The following ZNF334 variants were observed in gnomAD, a reference collection of about 807,000 sequenced individuals.
ZNF334 encodes the protein zinc finger protein 334.
A neutral mutation model predicts 12.4 loss-of-function variants in ZNF334; 14 were observed. The observed-to-expected ratio is 1.13, with a 90% CI of 0.74 to 1.76. The LOEUF is 1.76. Ranked by LOEUF, ZNF334 falls within the 40% of genes most tolerant of loss-of-function variation. The pLI, the probability that ZNF334 is intolerant of heterozygous loss-of-function variation, is 0.00. For synonymous variants in ZNF334, 273 were observed against 269.6 expected (o/e 1.01, Z -0.12); for missense variants, 797 against 804.5 (o/e 0.99, Z 0.11).
chr20:46,465,526 C>T, the ZNF334 span, among the ~76,000 whole-genome samples: 2 of 152,126 alleles, frequency 1.3e-5, no homozygotes, highest in African/African-American at 4.8e-5. Context: ...AATATAACCC[C>T]ATCTCTAAAA....
At chr20:46,480,704 G>T in the ZNF334 span, among the ~76,000 whole-genome samples, 40 of 152,278 alleles carry the variant, frequency 2.6e-4, 1 homozygote, top group East Asian at 1.9e-3. Context: ...GCTTGATTAG[G>T]AAATGAGAAG....
At chr20:46,468,002 T>G in the ZNF334 span, among the ~76,000 whole-genome samples, 1 of 152,224 alleles carries the variant, frequency 6.6e-6, no homozygotes, top group African/African-American at 2.4e-5. Context: ...TCTTTACTGC[T>G]TATAAGTGAT....
chr20:46,504,409 C>T, intron 3 of ZNF334, 103 bp from the exon 4 acceptor site: 1 of 1,187,584 alleles, frequency 8.4e-7, no homozygotes, highest in Non-Finnish European at 1.2e-6. Context: ...TGAAGATGCC[C>T]AGCAATAGCT....
At chr20:46,508,350 C>T (rs1482968349) in intron 2 of ZNF334, among the ~76,000 whole-genome samples, 1 of 152,148 alleles carries the variant, frequency 6.6e-6, no homozygotes, top group Non-Finnish European at 1.5e-5. Flanking sequence ...CAGATAATGA[C>T]CAGACCCTAC....
chr20:46,502,039 C>T lies in ZNF334; in HGVS notation c.1300G>A (p.Glu434Lys). Reference protein sequence around the residue: ...RRSHTGEKPYECSQCGKFLCT... With the variant: ...RRSHTGEKPYKCSQCGKFLCT... ...AAAAATTTTCCACATTGACTGCATT[C>T]ATAGGGCTTCTCTCCTGTATGACTT... Residue 434 changes from glutamate to lysine, a missense_variant, in exon 5 of 5, where the codon GAA becomes AAA. Glu to Lys is a moderately conservative substitution (Grantham distance 56). Transcript: ENST00000692313. The T allele has an allele frequency of 6.2e-7, 1 of 1,614,144 alleles. No homozygotes were observed. Among genetic ancestry groups the T allele is most frequent in the Non-Finnish European group, 8.5e-7 (1 of 1,180,014 alleles).
the ZNF334 span, among the ~76,000 whole-genome samples, chr20:46,473,078 T>C: frequency 1.8e-4 from 28 of 152,360 alleles, no homozygotes; most frequent in African/African-American, 5.5e-4. Flanking sequence ...TAGTACCTTT[T>C]ATTTTCTAAA....
chr20:46,475,089 G>A, the ZNF334 span, among the ~76,000 whole-genome samples: 3 of 152,132 alleles, frequency 2.0e-5, no homozygotes, highest in South Asian at 4.1e-4. Flanking sequence ...GGAAACCACA[G>A]GATTTACTTG....
chr20:46,481,662 T>C, the ZNF334 span, among the ~76,000 whole-genome samples: 20 of 152,208 alleles, frequency 1.3e-4, no homozygotes, highest in African/African-American at 3.9e-4. Flanking sequence ...GGCAGTCAGG[T>C]GGATGGGATG....
the ZNF334 span, among the ~76,000 whole-genome samples, chr20:46,486,876 C>G: frequency 6.6e-6 from 1 of 152,142 alleles, no homozygotes; most frequent in Non-Finnish European, 1.5e-5. Flanking sequence ...TCTCATTTCC[C>G]TAATAGTAAG....
At chr20:46,477,759 A>G in the ZNF334 span, among the ~76,000 whole-genome samples, 1 of 152,234 alleles carries the variant, frequency 6.6e-6, no homozygotes, top group East Asian at 1.9e-4. Context: ...CAACCCCAAA[A>G]TAAGAAGATT....
intron 1 of ZNF334, 142 bp from the exon 2 acceptor site, chr20:46,512,282 G>A (rs1204899595): frequency 3.4e-6 from 2 of 588,538 alleles, no homozygotes; most frequent in Non-Finnish European, 3.0e-6. Flanking sequence ...TTGAGGAAAC[G>A]TTCACTTGTC....
chr20:46,482,605 C>T, the ZNF334 span, among the ~76,000 whole-genome samples: 43 of 152,236 alleles, frequency 2.8e-4, no homozygotes, highest in East Asian at 7.5e-3. Context: ...ATTAACCCTA[C>T]TCAACCACTG....
chr20:46,484,519 T>C, the ZNF334 span: 2 of 167,268 alleles, frequency 1.2e-5, 1 homozygote, highest in Admixed American at 1.3e-4. Flanking sequence ...TGGGATCATC[T>C]GACTCCTGAA....
intron 2 of ZNF334, among the ~76,000 whole-genome samples, chr20:46,510,295 T>C (rs2061596916): frequency 6.6e-6 from 1 of 152,012 alleles, no homozygotes; most frequent in Non-Finnish European, 1.5e-5. Flanking sequence ...AAGCTACTAA[T>C]ATTATGACAA....
chr20:46,501,555 G>A lies in ZNF334; in HGVS notation c.1784C>T (p.Thr595Ile). 1 of 1,613,818 alleles carries A rather than the reference G, an allele frequency of 6.2e-7. No homozygotes were observed. The highest frequency in any genetic ancestry group is 1.1e-5 in the South Asian group (1 of 91,060). Residue 595 changes from threonine (T) to isoleucine (I), a missense_variant, in exon 5 of 5, where the codon ACT (threonine) becomes ATT (isoleucine). Transcript: ENST00000692313. ...FSFVEHQRTH[T>I]GEKPYECNEC... ...ATTACATTCATATGGTTTCTCCCCA[G>A]TGTGAGTTCGCTGATGTTCAACAAA...
downstream of ZNF334, among the ~76,000 whole-genome samples, chr20:46,498,791 C>T (rs990946910): frequency 1.3e-5 from 2 of 152,116 alleles, no homozygotes; most frequent in Non-Finnish European, 2.9e-5. Flanking sequence ...ATTTAAGATG[C>T]AGTCATACTG....
chr20:46,464,618 C>T, the ZNF334 span: 1 of 417,778 alleles, frequency 2.4e-6, no homozygotes, highest in Non-Finnish European at 4.7e-6. Context: ...TACATGATCA[C>T]ATGACTCTCT....
chr20:46,463,868 C>T, the ZNF334 span: 1 of 435,730 alleles, frequency 2.3e-6, no homozygotes, highest in Non-Finnish European at 4.7e-6. Flanking sequence ...GGTCAGCAGG[C>T]CAGTTCACAT....
the ZNF334 span, among the ~76,000 whole-genome samples, chr20:46,489,537 A>G: frequency 6.6e-6 from 1 of 151,232 alleles, no homozygotes; most frequent in African/African-American, 2.4e-5. Context: ...ATGTGATGGC[A>G]TGGCCAGCTA....
Sources: gnomAD v4.1 joint callset for allele counts (sites outside exome capture counted in the v4.1 genomes callset) on GRCh38, gnomAD v4.1.1 for gene constraint, MANE v1.5 for transcripts, NCBI Gene and HGNC (gene_info 2026-07-23, HGNC 2026-07-21) for gene names.